The following ADGRA2 variants were observed in gnomAD, a reference collection of about 807,000 sequenced individuals.
ADGRA2 encodes G-protein coupled receptor 124.
Under a neutral mutation model 98.7 loss-of-function variants are expected in ADGRA2, and 61 were observed. That is an observed-to-expected ratio of 0.62 (90% CI 0.50 to 0.76). The LOEUF (loss-of-function observed/expected upper bound fraction) is 0.76, where lower values mean the gene tolerates loss of function less well. ADGRA2 is among the 30% of genes least tolerant of loss of function. ADGRA2 has a pLI of 0.00. For missense variants in ADGRA2, 1,712 were observed against 1,860.0 expected (o/e 0.92, Z 1.46); for synonymous variants, 858 against 831.5 (o/e 1.03, Z -0.55).
chr8:37,817,768 G>A (rs957631380), intron 2 of ADGRA2, among the ~76,000 whole-genome samples: 1 of 152,156 alleles, frequency 6.6e-6, no homozygotes, highest in African/African-American at 2.4e-5. Flanking sequence ...TGTAATTCCA[G>A]CACTTTGGGA....
At position 37,802,932 on chromosome 8, in the gene ADGRA2, G is replaced by C. The variant is rs746623075; in HGVS notation, c.266+5398G>C. The stretch of plus-strand genomic sequence containing the variant: ...AAGATCCCAAATGTGTTATTTGGCC[G>C]GAGTTACTCCTGCATGTGCATGAAC... On this transcript the variant is annotated intron_variant, in intron 1 of 18. Transcript: ENST00000412232. The surrounding 1 kb of genome is among the most constrained non-coding windows in gnomAD (Gnocchi z 4.7). Among the ~76,000 whole-genome samples the C allele has an allele frequency of 1.3e-5, 2 of 152,096 alleles. No homozygotes were observed. The highest frequency in any genetic ancestry group is 2.9e-5 in the Non-Finnish European group (2 of 67,996).
At position 37,839,021 on chromosome 8, in the gene ADGRA2, C is replaced by T; in HGVS notation, c.2325C>T (p.Pro775=). The T allele has an allele frequency of 1.9e-6, 3 of 1,606,210 alleles. No homozygotes were observed. The highest frequency in any genetic ancestry group is 2.6e-6 in the Non-Finnish European group (3 of 1,175,930). ...AGAGLHPVVY[P]CTALLLLCLF... is the part of the protein sequence containing the mutation. ...CAGGGCTGCACCCCGTGGTATACCC[C>T]TGCACGGCCTTGCTGCTGCTCTGCC... Residue 775 remains proline, a synonymous_variant, in exon 15 of 19, where the codon CCC becomes CCT. Transcript: ENST00000412232.
chr8:37,814,613 G>T lies in ADGRA2; in HGVS notation c.267-283G>T, dbSNP rs906672239. 3.3e-5 allele frequency among the ~76,000 whole-genome samples: 5 copies of T among 152,228 alleles called. No individual in the cohort carries two copies. Among genetic ancestry groups the T allele is most frequent in the African/African-American group, 1.2e-4 (5 of 41,466 alleles). On this transcript the variant is annotated intron_variant, in intron 1 of 18. Coordinates refer to ENST00000412232, the MANE Select transcript of ADGRA2 (RefSeq NM_032777.10). This position sits in a 1 kb window ranked among gnomAD's most constrained non-coding sequence, Gnocchi z 4.3. ...TCCAGAGTGGAAACGGGGCATCACA[G>T]GGTCACCCCCACCTGCTCAGCCCAC...
chr8:37,841,355 C>A lies in ADGRA2; in HGVS notation c.3017C>A (p.Pro1006Gln). The change falls in exon 19 of 19, where the codon CCG becomes CAG. Residue 1006 changes from proline to glutamine, a missense_variant. By Grantham distance (76) the Pro-to-Gln change is moderately conservative. Coordinates refer to ENST00000412232, the MANE Select transcript of ADGRA2 (RefSeq NM_032777.10). This position sits in a 1 kb window ranked among gnomAD's most constrained non-coding sequence, Gnocchi z 5.0. ...GSARVGTPGPPEDGDSLYSPG... is the reference protein window; with the variant it reads ...GSARVGTPGPQEDGDSLYSPG... ...GCGCGAGTGGGGACGCCCGGGCCCC[C>A]GGAGGATGGTGACAGCCTCTATTCT... 6.2e-7 allele frequency: 1 copy of A among 1,606,480 alleles called. No individual in the cohort carries two copies. Among genetic ancestry groups the A allele is most frequent in the Admixed American group, 1.7e-5 (1 of 58,708 alleles).
Position 37,842,021 on chromosome 8 carries a change from ACAGCTACCTGGG to A in ADGRA2, c.3688_3699del (p.Tyr1230_Ser1233del). 1 of 1,519,760 alleles carries A rather than the reference ACAGCTACCTGGG, an allele frequency of 6.6e-7. No homozygotes were observed. The highest frequency in any genetic ancestry group is 2.6e-5 in the East Asian group (1 of 39,028). The allele number at this position is 1,519,760 out of a possible 1,614,324, so 94.1% of individuals were successfully genotyped here. A position where few individuals can be genotyped will look rare whatever the true frequency, so the allele number is the denominator to read the frequency against. Reference sequence around the variant, plus strand: ...GGCAGTCTGCACAACAGCCCCACCGACAGCTACCTGGGCAGCAGCCGCAACAGCCCGGGCGCC... The same window carrying A: ...GGCAGTCTGCACAACAGCCCCACCGACAGCAGCCGCAACAGCCCGGGCGCC... On this transcript the variant is annotated inframe_deletion, in exon 19 of 19. Transcript: ENST00000412232.
At chr8:37,822,619 TCCACCCCCTCTTCC>T (rs1207896170) in intron 2 of ADGRA2, among the ~76,000 whole-genome samples, 1 of 152,162 alleles carries the variant, frequency 6.6e-6, no homozygotes, top group African/African-American at 2.4e-5. Flanking sequence ...TCCTCATTCC[TCCACCCCCTCTTCC>T]CCAGGCCCAA....
At chr8:37,818,677 G>C (rs1805045774) in intron 2 of ADGRA2, among the ~76,000 whole-genome samples, 1 of 152,226 alleles carries the variant, frequency 6.6e-6, no homozygotes, top group African/African-American at 2.4e-5. Flanking sequence ...CTTTGGGAGT[G>C]AGCACAGGAG....
intron 8 of ADGRA2, among the ~76,000 whole-genome samples, 160 bp downstream of exon 8, chr8:37,831,747 G>A (rs1266960844): frequency 1.3e-5 from 2 of 152,172 alleles, no homozygotes; most frequent in Non-Finnish European, 2.9e-5. Context: ...CCTTGCTATC[G>A]AATAGATAGA....
rs376559450 is a variant in ADGRA2, at chr8:37,814,999, G to C, written c.338+32G>C. On this transcript the variant is annotated intron_variant, in intron 2 of 18. Transcript: ENST00000412232. This position sits in a 1 kb window ranked among gnomAD's most constrained non-coding sequence, Gnocchi z 4.3. ...GCTGGGGAAGGTGAGGTGGAGGAGG[G>C]GGGTGGCCGTGATGGCAAGAGGTCA... The C allele has an allele frequency of 9.5e-5, 143 of 1,506,122 alleles. No homozygotes were observed. In the East Asian group the frequency reaches 1.7e-3, roughly 18 times the overall value. The allele number at this position is 1,506,122 out of a possible 1,614,324, so 93.3% of individuals were successfully genotyped here. A position where few individuals can be genotyped will look rare whatever the true frequency, so the allele number is the denominator to read the frequency against.
rs750970990 is a variant in ADGRA2 at position 37,834,148 on chromosome 8, G to C, written c.1608+20G>C. The C allele has an allele frequency of 1.3e-6, 2 of 1,597,058 alleles. No homozygotes were observed. Among genetic ancestry groups the C allele is most frequent in the South Asian group, 1.1e-5 (1 of 90,048 alleles). ...TCAGTGGTAATGGGGGTCAGCAGAG[G>C]GGGTGGCCCTGGCATGCAGAGGAGG... is the stretch of plus-strand genomic sequence containing the variant. On this transcript the variant is annotated intron_variant, in intron 11 of 18. Coordinates refer to ENST00000412232, the MANE Select transcript of ADGRA2 (RefSeq NM_032777.10). This position sits in a 1 kb window ranked among gnomAD's most constrained non-coding sequence, Gnocchi z 4.2.
chr8:37,797,475 C>T lies in ADGRA2; in HGVS notation c.207C>T (p.Ser69=), dbSNP rs1804364485. ...PGPARRRVVC[S]GGDLPEPPEP... Reference sequence around the variant, plus strand: ...CGGCTCGGCGGAGGGTGGTGTGCAGCGGCGGGGACCTCCCGGAGCCTCCCG... The same window carrying T: ...CGGCTCGGCGGAGGGTGGTGTGCAGTGGCGGGGACCTCCCGGAGCCTCCCG... The change falls in exon 1 of 19, where the codon AGC becomes AGT. Residue 69 remains serine, a synonymous_variant. Transcript: ENST00000412232. The surrounding 1 kb of genome is among the most constrained non-coding windows in gnomAD (Gnocchi z 5.3). 7.1e-7 allele frequency: 1 copy of T among 1,418,316 alleles called. No homozygotes were observed. Among genetic ancestry groups the T allele is most frequent in the Admixed American group, 2.9e-5 (1 of 34,690 alleles). 87.9% of individuals were successfully genotyped at this position (1,418,316 alleles called of 1,614,324 possible). A position where few individuals can be genotyped will look rare whatever the true frequency, so the allele number is the denominator to read the frequency against.
rs2130036253 is a variant in ADGRA2 at position 37,835,694 on chromosome 8, C to T, written c.1974C>T (p.Ser658=). ...FRNGRLFHSH[S]NTSRPGAAGP... ...ATGGCCGCCTCTTCCACAGCCACAG[C>T]AACACCTCCCGCCCTGGAGCTGCTG... Residue 658 remains serine (S), a synonymous_variant, in exon 13 of 19, where the codon AGC becomes AGT. Coordinates refer to ENST00000412232, the MANE Select transcript of ADGRA2 (RefSeq NM_032777.10). The T allele has an allele frequency of 6.2e-7, 1 of 1,613,940 alleles. No individual in the cohort carries two copies. Among genetic ancestry groups the T allele is most frequent in the Non-Finnish European group, 8.5e-7 (1 of 1,179,968 alleles).
At position 37,844,197 on chromosome 8, in the gene ADGRA2, A is replaced by G; in HGVS notation, c.*1842A>G. ...AGCAGTGTGTCCAATTCAAACCAGCAGCAAAGAGCCTGACATTTTCCCATC... is the reference window on the plus strand; with the variant it reads ...AGCAGTGTGTCCAATTCAAACCAGCGGCAAAGAGCCTGACATTTTCCCATC... On this transcript the variant is annotated 3_prime_UTR_variant, in exon 19 of 19. Coordinates refer to ENST00000412232, the MANE Select transcript of ADGRA2 (RefSeq NM_032777.10). 2.5e-6 allele frequency: 1 copy of G among 397,490 alleles called. No individual in the cohort carries two copies. The highest frequency in any genetic ancestry group is 4.4e-5 in the East Asian group (1 of 22,896). The allele number at this position is 397,490 out of a possible 1,614,324, so 24.6% of individuals were successfully genotyped here. A position where few individuals can be genotyped will look rare whatever the true frequency, so the allele number is the denominator to read the frequency against.
chr8:37,817,448 C>A (rs1585383975), intron 2 of ADGRA2, among the ~76,000 whole-genome samples: 1 of 152,122 alleles, frequency 6.6e-6, no homozygotes, highest in Non-Finnish European at 1.5e-5. Context: ...TGGTGGCTCA[C>A]GCCAGTAATT....
intron 1 of ADGRA2, among the ~76,000 whole-genome samples, chr8:37,807,511 A>G (rs1457322748): frequency 1.3e-5 from 2 of 152,078 alleles, no homozygotes; most frequent in South Asian, 2.1e-4. Context: ...TGCAGCATCT[A>G]TATTTTAGAG....
intron 2 of ADGRA2, among the ~76,000 whole-genome samples, chr8:37,819,398 A>G (rs1460881171): frequency 6.6e-6 from 1 of 152,152 alleles, no homozygotes; most frequent in African/African-American, 2.4e-5. Context: ...TTTGAGATGG[A>G]GTCTCGCTCT....
At position 37,797,389 on chromosome 8, in the gene ADGRA2, A is replaced by G. The variant is rs73592885; in HGVS notation, c.121A>G (p.Ile41Val). 4,000 of 1,431,760 alleles carry G rather than the reference A, an allele frequency of 2.8e-3. 110 individuals carry two copies. The African/African-American group carries it at 0.052, about 19-fold the overall frequency. 88.7% of individuals were successfully genotyped at this position (1,431,760 alleles called of 1,614,324 possible). A position where few individuals can be genotyped will look rare whatever the true frequency, so the allele number is the denominator to read the frequency against. ...ARGAPGCPLS[I>V]RSCKCSGERP... is the part of the protein sequence containing the mutation. ...GGGCGCGCCCGGCTGCCCGCTATCC[A>G]TCCGCAGCTGCAAGTGCTCGGGGGA... Residue 41 changes from isoleucine to valine, a missense_variant, in exon 1 of 19, where the codon ATC becomes GTC. Ile to Val is a conservative substitution (Grantham distance 29). Transcript: ENST00000412232. The surrounding 1 kb of genome is among the most constrained non-coding windows in gnomAD (Gnocchi z 5.3).
intron 2 of ADGRA2, among the ~76,000 whole-genome samples, chr8:37,823,635 T>C (rs1585389725): frequency 6.6e-6 from 1 of 152,230 alleles, no homozygotes; most frequent in Non-Finnish European, 1.5e-5. Flanking sequence ...ACCCGAACTG[T>C]GAAACTGTTT....
intron 2 of ADGRA2, among the ~76,000 whole-genome samples, chr8:37,825,819 G>T (rs930404670): frequency 8.5e-5 from 13 of 152,314 alleles, no homozygotes; most frequent in African/African-American, 2.4e-4. Context: ...GGTCCTTCAG[G>T]CTCTCAGAGC....
Sources: allele counts gnomAD v4.1 joint callset (sites outside exome capture counted in the v4.1 genomes callset), GRCh38; gene constraint gnomAD v4.1.1; non-coding constraint Gnocchi (gnomAD v3.1); transcripts MANE v1.5; gene names NCBI Gene and HGNC (gene_info 2026-07-23, HGNC 2026-07-21).